The following SLF1 variants were observed in gnomAD, a reference collection of about 807,000 sequenced individuals.
SLF1 encodes the protein SMC5-SMC6 complex localization factor protein 1.
Under a neutral mutation model 123.0 loss-of-function variants are expected in SLF1, and 105 were observed. The observed-to-expected ratio is 0.85, with a 90% CI of 0.73 to 1.00. The LOEUF (loss-of-function observed/expected upper bound fraction) is 1.00, where lower values mean the gene tolerates loss of function less well. Among genes scored for constraint, SLF1 ranks in the 50% least tolerant of loss-of-function variants. SLF1 has a pLI of 0.00. For synonymous variants in SLF1, 434 were observed against 406.6 expected (o/e 1.07, Z -0.81); for missense variants, 1,239 against 1,223.0 (o/e 1.01, Z -0.20).
rs1753563785 is a variant in SLF1 at position 94,697,381 on chromosome 5, T to C, written c.*2069T>C. 4 of 151,836 alleles carry C rather than the reference T, an allele frequency of 2.6e-5. No homozygotes were observed. The highest frequency in any genetic ancestry group is 7.2e-5 in the African/African-American group (3 of 41,388). The allele number at this position is 151,836 out of a possible 1,614,324, so 9.4% of individuals were successfully genotyped here. On this transcript the variant is annotated 3_prime_UTR_variant, in exon 21 of 21. Coordinates refer to ENST00000265140, the MANE Select transcript of SLF1 (RefSeq NM_032290.4). Reference sequence around the variant, plus strand: ...TGCCTTGAATAATTGCCCAAATCTATCTTGGAGGTATAGGAAGAAGAAATT... The same window carrying C: ...TGCCTTGAATAATTGCCCAAATCTACCTTGGAGGTATAGGAAGAAGAAATT...
intron 9 of SLF1, among the ~76,000 whole-genome samples, chr5:94,661,234 T>C (rs1266226930): frequency 6.6e-6 from 1 of 152,170 alleles, no homozygotes; most frequent in Non-Finnish European, 1.5e-5. Context: ...CTCCAGTTGC[T>C]AGGATTGCAG....
chr5:94,654,625 T>A lies in SLF1; in HGVS notation c.1033-5T>A. ...TCTAAAGTCATTTTACTTTGCTATA[T>A]GCAGAAAGAAATGAAGAATTCTATT... is the stretch of plus-strand genomic sequence containing the variant. On this transcript the variant is annotated splice_polypyrimidine_tract_variant and splice_region_variant and intron_variant, in intron 8 of 20. Transcript: ENST00000265140. 6.5e-7 allele frequency: 1 copy of A among 1,532,856 alleles called. No individual in the cohort carries two copies. Among genetic ancestry groups the A allele is most frequent in the Non-Finnish European group, 8.8e-7 (1 of 1,137,882 alleles). The allele number at this position is 1,532,856 out of a possible 1,614,324, so 95.0% of individuals were successfully genotyped here.
At chr5:94,659,994 G>T (rs945233328) in intron 9 of SLF1, among the ~76,000 whole-genome samples, 5 of 152,140 alleles carry the variant, frequency 3.3e-5, no homozygotes, top group African/African-American at 9.7e-5. Context: ...ACATGTGGGT[G>T]GTTATCAGCA....
At chr5:94,688,430 G>T in intron 16 of SLF1, 76 bp from the exon 17 acceptor site, 1 of 1,445,292 alleles carries the variant, frequency 6.9e-7, no homozygotes, top group East Asian at 2.3e-5. Flanking sequence ...AAATGTAATA[G>T]TGAAATGAAT....
In SLF1 at chr5:94,670,238, C is replaced by T. The variant is rs1010522417; in HGVS notation, c.1620C>T (p.Phe540=). ...KVLHLTLLKF[F]FNLIESEVQH... ...TCCACCTGACGCTACTCAAATTTTTCTTTAATTTAATTGAAAGTGAAGTAC... is the reference window on the plus strand; with the variant it reads ...TCCACCTGACGCTACTCAAATTTTTTTTTAATTTAATTGAAAGTGAAGTAC... Residue 540 remains phenylalanine (F), a synonymous_variant, in exon 13 of 21, where the codon TTC becomes TTT. Transcript: ENST00000265140. 6.6e-7 allele frequency: 1 copy of T among 1,514,126 alleles called. No individual in the cohort carries two copies. Among genetic ancestry groups the T allele is most frequent in the Non-Finnish European group, 8.8e-7 (1 of 1,133,802 alleles). 93.8% of individuals were successfully genotyped at this position (1,514,126 alleles called of 1,614,324 possible).
intron 16 of SLF1, among the ~76,000 whole-genome samples, chr5:94,688,145 T>C (rs1053251287): frequency 6.6e-6 from 1 of 152,044 alleles, no homozygotes; most frequent in Non-Finnish European, 1.5e-5. Context: ...GTTCAAGGCA[T>C]TATCAGAATG....
In SLF1 at chr5:94,688,491, A is replaced by G; in HGVS notation, c.2122-15A>G. Reference sequence around the variant, plus strand: ...TTTGTAGTTGAGAAAATAATGCAATATTATTTTTCAACAGGTATATTCCTA... The same window carrying G: ...TTTGTAGTTGAGAAAATAATGCAATGTTATTTTTCAACAGGTATATTCCTA... On this transcript the variant is annotated splice_polypyrimidine_tract_variant and intron_variant, in intron 16 of 20. Coordinates refer to ENST00000265140, the MANE Select transcript of SLF1 (RefSeq NM_032290.4). 1 of 1,609,486 alleles carries G rather than the reference A, an allele frequency of 6.2e-7. No homozygotes were observed. Among genetic ancestry groups the G allele is most frequent in the Non-Finnish European group, 8.5e-7 (1 of 1,177,368 alleles).
rs200749379 is a variant in SLF1, at chr5:94,670,133, T to G, written c.1533-18T>G. 7 of 1,526,634 alleles carry G rather than the reference T, an allele frequency of 4.6e-6. No individual in the cohort carries two copies. The highest frequency in any genetic ancestry group is 3.4e-4 in the Middle Eastern group (2 of 5,908). 94.6% of individuals were successfully genotyped at this position (1,526,634 alleles called of 1,614,324 possible). A position where few individuals can be genotyped will look rare whatever the true frequency, so the allele number is the denominator to read the frequency against. ...GAATTGCTTGTATGTTATAGATTTT[T>G]GGGTTCATGTTTTTCAGGTCTTGCC... On this transcript the variant is annotated intron_variant, in intron 12 of 20. Transcript: ENST00000265140.
In SLF1 at chr5:94,688,563, C is replaced by T; in HGVS notation, c.2179C>T (p.Gln727Ter). Residue 727 changes from glutamine to a stop codon, truncating the protein, a stop_gained, in exon 17 of 21, where the codon CAG becomes TAG. Transcript: ENST00000265140. LOFTEE classifies it high-confidence loss of function. ...KTGVLGSGKI[Q>*]VSKKIGQRPC... ...TGGTGTGCTTGGGTCTGGAAAGATT[C>T]AGGTGTCAAAGAAAATAGGACAGCG... The T allele has an allele frequency of 6.2e-7, 1 of 1,614,016 alleles. No individual in the cohort carries two copies. Among genetic ancestry groups the T allele is most frequent in the Non-Finnish European group, 8.5e-7 (1 of 1,179,936 alleles).
chr5:94,666,267 A>G (rs1026751528), intron 12 of SLF1, among the ~76,000 whole-genome samples: 1 of 152,226 alleles, frequency 6.6e-6, no homozygotes, highest in Admixed American at 6.5e-5. Context: ...TAGAAAGCCA[A>G]ATCATTATTA....
At chr5:94,660,550 G>A (rs777687251) in intron 9 of SLF1, among the ~76,000 whole-genome samples, 44 of 152,174 alleles carry the variant, frequency 2.9e-4, no homozygotes, top group Admixed American at 2.9e-3. Context: ...GGCTGCAGCA[G>A]ACAAGGCGGT....
At chr5:94,661,842 G>A (rs1384773732) in intron 9 of SLF1, among the ~76,000 whole-genome samples, 1 of 151,892 alleles carries the variant, frequency 6.6e-6, no homozygotes, top group African/African-American at 2.4e-5. Flanking sequence ...CAGCCTCAGG[G>A]TATTATCTCT....
chr5:94,665,784 T>A (rs1429966386), intron 11 of SLF1, 77 bp from the exon 12 acceptor site: 2 of 1,282,688 alleles, frequency 1.6e-6, no homozygotes, highest in Non-Finnish European at 2.1e-6. Context: ...GTTACTGTTT[T>A]GGTTTTAGAC....
chr5:94,632,997 T>C (rs1449473760), intron 4 of SLF1, among the ~76,000 whole-genome samples: 1 of 151,626 alleles, frequency 6.6e-6, no homozygotes, highest in Admixed American at 6.6e-5. Flanking sequence ...CCTTTATTTT[T>C]TTAATTTTTT....
intron 4 of SLF1, among the ~76,000 whole-genome samples, chr5:94,638,534 C>T (rs1554063290): frequency 6.6e-6 from 1 of 152,194 alleles, no homozygotes. Flanking sequence ...TACCCCTTGT[C>T]CTCCCTTTGA....
chr5:94,643,653 T>G (rs537490081), intron 5 of SLF1, among the ~76,000 whole-genome samples: 1 of 152,222 alleles, frequency 6.6e-6, no homozygotes, highest in South Asian at 2.1e-4. Flanking sequence ...AAGTTTAACA[T>G]TAAGTATTTT....
intron 10 of SLF1, among the ~76,000 whole-genome samples, chr5:94,663,377 C>G (rs560536813): frequency 1.3e-5 from 2 of 152,254 alleles, no homozygotes; most frequent in African/African-American, 2.4e-5. Context: ...GGTGCAGTGG[C>G]TTACGCCTAT....
intron 1 of SLF1, among the ~76,000 whole-genome samples, chr5:94,626,026 G>A (rs1792208106): frequency 6.6e-6 from 1 of 151,992 alleles, no homozygotes; most frequent in East Asian, 2.0e-4. Flanking sequence ...GGCCGAGGCA[G>A]GCAGATCACA....
intron 12 of SLF1, among the ~76,000 whole-genome samples, chr5:94,668,660 T>C (rs2152489284): frequency 6.6e-6 from 1 of 152,170 alleles, no homozygotes; most frequent in Non-Finnish European, 1.5e-5. Flanking sequence ...TTAAATTTTT[T>C]GTAGAGGTGA....
Sources: allele counts gnomAD v4.1 joint callset (sites outside exome capture counted in the v4.1 genomes callset), GRCh38; gene constraint gnomAD v4.1.1; transcripts MANE v1.5; gene names NCBI Gene and HGNC (gene_info 2026-07-23, HGNC 2026-07-21).